Variants in CAD observed in about 807,000 individuals in gnomAD.
CAD encodes the protein multifunctional protein CAD.
CAD carries 81 observed loss-of-function variants against 237.2 expected under a neutral mutation model. That is an observed-to-expected ratio of 0.34 (90% confidence interval 0.29 to 0.41). The LOEUF (loss-of-function observed/expected upper bound fraction) is 0.41, where lower values mean the gene tolerates loss of function less well. Ranked by LOEUF, CAD falls within the 10% of genes least tolerant of loss-of-function variation. CAD has a pLI of 1.00. For missense variants in CAD, 2,181 were observed against 2,951.7 expected, an observed-to-expected ratio of 0.74 and a Z score of 6.05; for synonymous variants, 1,196 against 1,162.8, an observed-to-expected ratio of 1.03 and a Z score of -0.58.
chr2:27,230,867 G>A (rs1675716169), intron 15 of CAD, among the ~76,000 whole-genome samples: 1 of 152,214 alleles, frequency 6.6e-6, no homozygotes, highest in African/African-American at 2.4e-5. Flanking sequence ...AGTATCCAGT[G>A]TATGGGGATA....
Position 27,239,626 on chromosome 2 carries a change from T to C in CAD, c.5395-71T>C. On this transcript the variant is annotated intron_variant, in intron 33 of 43. Coordinates refer to ENST00000264705, the MANE Select transcript of CAD (RefSeq NM_004341.5). The surrounding 1 kb of genome is among the most constrained non-coding windows in gnomAD (Gnocchi z 4.0). ...GCTCCCCCAAGGTGCTTTTTGTCCT[T>C]GCTGACATCTACCCCTTTAGGACCT... 1 of 1,489,370 alleles carries C rather than the reference T, an allele frequency of 6.7e-7. No individual in the cohort carries two copies. Among genetic ancestry groups the C allele is most frequent in the Non-Finnish European group, 9.2e-7 (1 of 1,087,916 alleles). The allele number at this position is 1,489,370 out of a possible 1,614,324, so 92.3% of individuals were successfully genotyped here. A position where few individuals can be genotyped will look rare whatever the true frequency, so the allele number is the denominator to read the frequency against.
Position 27,240,863 on chromosome 2 carries a change from C to A in CAD, c.5594-48C>A. 6.2e-7 allele frequency: 1 copy of A among 1,600,198 alleles called. No homozygotes were observed. Among genetic ancestry groups the A allele is most frequent in the Non-Finnish European group, 8.6e-7 (1 of 1,167,608 alleles). On this transcript the variant is annotated intron_variant, in intron 35 of 43. Coordinates refer to ENST00000264705, the MANE Select transcript of CAD (RefSeq NM_004341.5). This position sits in a 1 kb window ranked among gnomAD's most constrained non-coding sequence, Gnocchi z 4.6. The stretch of plus-strand genomic sequence containing the variant: ...GTTCCTGGGAATATGGGGTTTCTTT[C>A]CAAACCTCAGCCATAAATGTATATC...
Position 27,242,573 on chromosome 2 carries a change from G to A in CAD, c.6223-47G>A. 1 of 1,563,508 alleles carries A rather than the reference G, an allele frequency of 6.4e-7. No homozygotes were observed. The highest frequency in any genetic ancestry group is 8.7e-7 in the Non-Finnish European group (1 of 1,150,266). On this transcript the variant is annotated intron_variant, in intron 40 of 43. Coordinates refer to ENST00000264705, the MANE Select transcript of CAD (RefSeq NM_004341.5). The surrounding 1 kb of genome is among the most constrained non-coding windows in gnomAD (Gnocchi z 6.4). Reference sequence around the variant, plus strand: ...TTTAAAAGCTTGGAAATGATGTCGGGGGGCACTCAGTCTGGGATCCCTGTG... The same window carrying A: ...TTTAAAAGCTTGGAAATGATGTCGGAGGGCACTCAGTCTGGGATCCCTGTG...
Position 27,240,015 on chromosome 2 carries a change from C to T in CAD, c.5496+217C>T, listed in dbSNP as rs982576868. ...CAGCACTTTGGGAGGCCAAGGCAGG[C>T]GGATCATCTGAGGTCAGGAGTTTAA... On this transcript the variant is annotated intron_variant, in intron 34 of 43. Coordinates refer to ENST00000264705, the MANE Select transcript of CAD (RefSeq NM_004341.5). This position sits in a 1 kb window ranked among gnomAD's most constrained non-coding sequence, Gnocchi z 4.6. 2.1e-5 allele frequency: 12 copies of T among 581,830 alleles called. No homozygotes were observed. The highest frequency in any genetic ancestry group is 4.4e-5 in the South Asian group (2 of 45,144). The allele number at this position is 581,830 out of a possible 1,614,324, so 36.0% of individuals were successfully genotyped here. A position where few individuals can be genotyped will look rare whatever the true frequency, so the allele number is the denominator to read the frequency against.
At chr2:27,219,348 G>GT (rs58362878) in intron 2 of CAD, among the ~76,000 whole-genome samples, 21,948 of 146,936 alleles carry the variant, frequency 0.15, 3,338 homozygotes, top group African/African-American at 0.4. Context: ...TATGGTTTTT[G>GT]TTTTTTTTTT....
In CAD at chr2:27,241,339, T is replaced by C. The variant is rs756664658; in HGVS notation, c.5826T>C (p.Asn1942=). 2.5e-6 allele frequency: 4 copies of C among 1,614,068 alleles called. No homozygotes were observed. Among genetic ancestry groups the C allele is most frequent in the Non-Finnish European group, 3.4e-6 (4 of 1,180,050 alleles). ...FTKDQMSHLF[N]VAHTLRMMVQ... The stretch of plus-strand genomic sequence containing the variant: ...TTTCTTAGATGTCTCACCTGTTCAA[T>C]GTGGCACACACACTGCGTATGATGG... Residue 1942 remains asparagine (N), a synonymous_variant, in exon 38 of 44, where the codon AAT becomes AAC. Transcript: ENST00000264705. This position sits in a 1 kb window ranked among gnomAD's most constrained non-coding sequence, Gnocchi z 4.6.
In CAD at chr2:27,243,408, T is replaced by TC; in HGVS notation, c.6576-8_6576-7insC. 6.3e-7 allele frequency: 1 copy of TC among 1,576,546 alleles called. No homozygotes were observed. The highest frequency in any genetic ancestry group is 8.6e-7 in the Non-Finnish European group (1 of 1,161,290). On this transcript the variant is annotated splice_polypyrimidine_tract_variant and splice_region_variant and intron_variant, in intron 43 of 43. Coordinates refer to ENST00000264705, the MANE Select transcript of CAD (RefSeq NM_004341.5). ...ACACTTCCTTTTTTTTTTTTTTTTT[T>TC]TTTGCAGCGTGGAAGTGGACTCGGA...
chr2:27,223,529 C>T, intron 6 of CAD, 34 bp from the exon 7 acceptor site: 2 of 1,601,278 alleles, frequency 1.2e-6, no homozygotes, highest in Non-Finnish European at 1.7e-6. Flanking sequence ...AGAGGGTGAG[C>T]AGGGCCTGTG....
At position 27,242,143 on chromosome 2, in the gene CAD, T is replaced by C. The variant is rs903768383; in HGVS notation, c.6096+20T>C. ...GTGGAGGTGAGGCCAGCCTGGGTAC[T>C]GAGATGGGGTTAAGAAGGCTGGACC... On this transcript the variant is annotated intron_variant, in intron 39 of 43. Transcript: ENST00000264705. The surrounding 1 kb of genome is among the most constrained non-coding windows in gnomAD (Gnocchi z 6.4). 2 of 1,610,036 alleles carry C rather than the reference T, an allele frequency of 1.2e-6. No individual in the cohort carries two copies. Among genetic ancestry groups the C allele is most frequent in the African/African-American group, 2.7e-5 (2 of 74,832 alleles).
chr2:27,224,108 G>C, intron 8 of CAD, 79 bp downstream of exon 8: 1 of 1,088,752 alleles, frequency 9.2e-7, no homozygotes. Context: ...GACATGCCCT[G>C]GGCAACTCCT....
At position 27,217,645 on chromosome 2, in the gene CAD, C is replaced by T. The variant is rs376615118; in HGVS notation, c.82+12C>T. 3.0e-5 allele frequency: 48 copies of T among 1,596,686 alleles called. No homozygotes were observed. The highest frequency in any genetic ancestry group is 3.9e-5 in the Non-Finnish European group (46 of 1,171,660). On this transcript the variant is annotated intron_variant, in intron 1 of 43. Transcript: ENST00000264705. The stretch of plus-strand genomic sequence containing the variant: ...TGCCGGGGAAGTGGGTAAGCAAGCC[C>T]GGTTAGGCTGCAGACCTTATCCCAC...
Position 27,232,990 on chromosome 2 carries a change from C to T in CAD, c.2893-52C>T. The T allele has an allele frequency of 8.2e-7, 1 of 1,225,636 alleles. No homozygotes were observed. The allele number at this position is 1,225,636 out of a possible 1,614,324, so 75.9% of individuals were successfully genotyped here. ...GGCTTAGTTTCTCCACGATTTTCTC[C>T]ACGATTTTCCTCCCACCTGACTGCT... On this transcript the variant is annotated intron_variant, in intron 18 of 43. Coordinates refer to ENST00000264705, the MANE Select transcript of CAD (RefSeq NM_004341.5). The surrounding 1 kb of genome is among the most constrained non-coding windows in gnomAD (Gnocchi z 4.1).
At position 27,217,923 on chromosome 2, in the gene CAD, C is replaced by T. The variant is rs778581915; in HGVS notation, c.129C>T (p.Pro43=). The change falls in exon 2 of 44, where the codon CCC becomes CCT. Residue 43 remains proline (P), a synonymous_variant. Coordinates refer to ENST00000264705, the MANE Select transcript of CAD (RefSeq NM_004341.5). ...GCTACCCCGAGGCCCTCACTGATCC[C>T]TCCTACAAGGCACAGATCTTAGTGC... The part of the protein sequence containing the change: ...MVGYPEALTD[P]SYKAQILVLT... 7.4e-6 allele frequency: 12 copies of T among 1,613,014 alleles called. No individual in the cohort carries two copies. Among genetic ancestry groups the T allele is most frequent in the Non-Finnish European group, 1.0e-5 (12 of 1,179,486 alleles).
At chr2:27,234,837 T>C in intron 23 of CAD, 152 bp downstream of exon 23, 1 of 765,412 alleles carries the variant, frequency 1.3e-6, no homozygotes, top group Non-Finnish European at 2.1e-6. Flanking sequence ...CTTAAGAGCT[T>C]ACTTTATGGT....
Position 27,236,272 on chromosome 2 carries a change from C to T in CAD, c.4075-12C>T. On this transcript the variant is annotated splice_polypyrimidine_tract_variant and intron_variant, in intron 25 of 43. Transcript: ENST00000264705. The surrounding 1 kb of genome is among the most constrained non-coding windows in gnomAD (Gnocchi z 4.1). ...AGACAGCTTGGCCCTGACCTTGACT[C>T]CGGGTTGGCAGGTAACAGCTGTGGA... 1.2e-6 allele frequency: 2 copies of T among 1,611,772 alleles called. No homozygotes were observed. Among genetic ancestry groups the T allele is most frequent in the Non-Finnish European group, 1.7e-6 (2 of 1,178,350 alleles).
In CAD at chr2:27,243,304, TCA is replaced by T; in HGVS notation, c.6575+13_6575+14del. The T allele has an allele frequency of 6.2e-7, 1 of 1,613,414 alleles. No individual in the cohort carries two copies. Reference sequence around the variant, plus strand: ...GTCAACGAGATAAGGTGGTGCAGCATCAGAGTCAGAGACTGCCTCGGGGCTGG... The same window carrying T: ...GTCAACGAGATAAGGTGGTGCAGCATGAGTCAGAGACTGCCTCGGGGCTGG... On this transcript the variant is annotated intron_variant, in intron 43 of 43. Coordinates refer to ENST00000264705, the MANE Select transcript of CAD (RefSeq NM_004341.5).
At position 27,239,837 on chromosome 2, in the gene CAD, G is replaced by A; in HGVS notation, c.5496+39G>A. ...TGGGCTAGGGGGCTGGGAGGTGTTAGTCTCAGGGCAGGATGAACAGCTTGA... is the reference window on the plus strand; with the variant it reads ...TGGGCTAGGGGGCTGGGAGGTGTTAATCTCAGGGCAGGATGAACAGCTTGA... On this transcript the variant is annotated intron_variant, in intron 34 of 43. Transcript: ENST00000264705. This position sits in a 1 kb window ranked among gnomAD's most constrained non-coding sequence, Gnocchi z 4.0. 7.2e-7 allele frequency: 1 copy of A among 1,393,774 alleles called. No homozygotes were observed. The highest frequency in any genetic ancestry group is 2.4e-5 in the Admixed American group (1 of 41,854). The allele number at this position is 1,393,774 out of a possible 1,614,324, so 86.3% of individuals were successfully genotyped here. A position where few individuals can be genotyped will look rare whatever the true frequency, so the allele number is the denominator to read the frequency against.
In CAD at chr2:27,237,459, C is replaced by T. The variant is rs759861065; in HGVS notation, c.4477C>T (p.Leu1493=). ...CTTTGCTTCAGGCACAGCCGCTGCCCTGGCTGGGGGTATCACCATGGTGTG... is the reference window on the plus strand; with the variant it reads ...CTTTGCTTCAGGCACAGCCGCTGCCTTGGCTGGGGGTATCACCATGGTGTG... The part of the protein sequence containing the change: ...EDFASGTAAA[L]AGGITMVCAM... The change falls in exon 28 of 44, where the codon CTG becomes TTG. Residue 1493 remains leucine (L), a synonymous_variant. Coordinates refer to ENST00000264705, the MANE Select transcript of CAD (RefSeq NM_004341.5). This position sits in a 1 kb window ranked among gnomAD's most constrained non-coding sequence, Gnocchi z 4.0. 2 of 1,614,166 alleles carry T rather than the reference C, an allele frequency of 1.2e-6. No individual in the cohort carries two copies. The highest frequency in any genetic ancestry group is 2.2e-5 in the East Asian group (1 of 44,884).
chr2:27,223,407 G>C (rs1224680664), intron 6 of CAD, among the ~76,000 whole-genome samples, 156 bp from the exon 7 acceptor site: 3 of 150,518 alleles, frequency 2.0e-5, no homozygotes, highest in Non-Finnish European at 4.4e-5. Flanking sequence ...CTCCAGCCCG[G>C]GAAACAGAGG....
Sources: gnomAD v4.1 joint callset for allele counts (sites outside exome capture counted in the v4.1 genomes callset) on GRCh38, gnomAD v4.1.1 for gene constraint, Gnocchi (gnomAD v3.1) non-coding constraint, MANE v1.5 for transcripts, NCBI Gene and HGNC (gene_info 2026-07-23, HGNC 2026-07-21) for gene names.